HDHD2: variants seen among roughly 807,000 people sequenced by gnomAD.
HDHD2 encodes the protein haloacid dehalogenase-like hydrolase domain-containing protein 2.
HDHD2 carries 26 observed loss-of-function variants against 24.8 expected under a neutral mutation model. That is an observed-to-expected ratio of 1.05 (90% CI 0.77 to 1.45). HDHD2 has a LOEUF of 1.45. HDHD2 is among the 40% of genes most tolerant of loss of function. The pLI, the probability that HDHD2 is intolerant of heterozygous loss-of-function variation, is 0.00. For missense variants in HDHD2, 299 were observed against 313.4 expected (o/e 0.95, Z 0.35); for synonymous variants, 128 against 114.9 (o/e 1.11, Z -0.73).
At position 47,140,561 on chromosome 18, in the gene HDHD2, C is replaced by T. The variant is rs369426106; in HGVS notation, c.-10-4112G>A. On this transcript the variant is annotated intron_variant, in intron 1 of 6. Coordinates refer to ENST00000300605, the MANE Select transcript of HDHD2 (RefSeq NM_032124.5). ...TGAGACAGGGCCTTGTTCTGTCACCCAGGCTGGAGTGCAGTTGCATGATCA... is the reference window on the plus strand; with the variant it reads ...TGAGACAGGGCCTTGTTCTGTCACCTAGGCTGGAGTGCAGTTGCATGATCA... Among the ~76,000 whole-genome samples the T allele has an allele frequency of 3.3e-5, 5 of 152,254 alleles. No homozygotes were observed. The East Asian group carries it at 5.8e-4, about 18-fold the overall frequency.
intron 3 of HDHD2, 130 bp downstream of exon 3, chr18:47,134,366 A>G (rs1353273070): frequency 1.4e-6 from 1 of 717,646 alleles, no homozygotes. Context: ...TAGATTCAAA[A>G]TATCAGTATT....
chr18:47,136,412 C>T lies in HDHD2; in HGVS notation c.28G>A (p.Val10Ile), dbSNP rs746476502. The T allele has an allele frequency of 6.2e-7, 1 of 1,613,090 alleles. No homozygotes were observed. The highest frequency in any genetic ancestry group is 1.3e-5 in the African/African-American group (1 of 75,062). ...AGTGTGCCACTGAGATCTACCAAAA[C>T]AGCTTTTAATGCACGGCATGCTGCC... is the stretch of plus-strand genomic sequence containing the variant. MAACRALKAVLVDLSGTLHI... is the reference protein window; with the variant it reads MAACRALKAILVDLSGTLHI... Residue 10 changes from valine (V) to isoleucine (I), a missense_variant, in exon 2 of 7, where the codon GTT becomes ATT. Transcript: ENST00000300605.
At chr18:47,139,630 G>A (rs1276653909) in intron 1 of HDHD2, among the ~76,000 whole-genome samples, 1 of 152,144 alleles carries the variant, frequency 6.6e-6, no homozygotes, top group Non-Finnish European at 1.5e-5. Flanking sequence ...CCACAGGTCA[G>A]GACTCGTGAC....
intron 4 of HDHD2, among the ~76,000 whole-genome samples, chr18:47,117,081 A>C (rs2063563455): frequency 6.6e-6 from 1 of 152,202 alleles, no homozygotes. Context: ...TGCATAGCAT[A>C]AGCTTTACTG....
chr18:47,122,719 TTC>T (rs2063618923), intron 4 of HDHD2, among the ~76,000 whole-genome samples: 1 of 152,170 alleles, frequency 6.6e-6, no homozygotes, highest in Non-Finnish European at 1.5e-5. Flanking sequence ...GGCACAGTAA[TTC>T]TCTTATTAAT....
At chr18:47,125,520 T>A (rs1291589572) in intron 4 of HDHD2, among the ~76,000 whole-genome samples, 1 of 152,096 alleles carries the variant, frequency 6.6e-6, no homozygotes, top group East Asian at 1.9e-4. Flanking sequence ...ATAAATAAAT[T>A]GTGGAATATT....
rs565819740 is a variant in HDHD2, at chr18:47,131,677, T to C, written c.311-1349A>G. Among the ~76,000 whole-genome samples the C allele has an allele frequency of 1.4e-4, 21 of 152,328 alleles. No individual in the cohort carries two copies. In the East Asian group the frequency reaches 3.5e-3, roughly 25 times the overall value. ...TATTTAACTTACTTGATTTTTATTATTGCATCTCTTTTCACTGACACTAAA... is the reference window on the plus strand; with the variant it reads ...TATTTAACTTACTTGATTTTTATTACTGCATCTCTTTTCACTGACACTAAA... On this transcript the variant is annotated intron_variant, in intron 3 of 6. Transcript: ENST00000300605.
At chr18:47,136,168 T>C (rs745648644) in intron 2 of HDHD2, 171 bp downstream of exon 2, 2 of 723,094 alleles carry the variant, frequency 2.8e-6, no homozygotes, top group South Asian at 2.4e-5. Flanking sequence ...TAGAAAACAA[T>C]GTTTGGAAGA....
chr18:47,134,561 A>C lies in HDHD2; in HGVS notation c.245T>G (p.Leu82Ter). 1 of 1,614,164 alleles carries C rather than the reference A, an allele frequency of 6.2e-7. No homozygotes were observed. The highest frequency in any genetic ancestry group is 1.1e-5 in the South Asian group (1 of 91,076). ...GGGTCTGACTTGTTTCCGCTCTAGT[A>C]AACTTCTGGCTGCAGTCAGAGATGT... ...IFTSLTAARSLLERKQVRPML... is the reference protein window; with the variant it reads ...IFTSLTAARS Residue 82 changes from leucine (L) to a stop codon, truncating the protein, a stop_gained, in exon 3 of 7, where the codon TTA becomes TGA. Transcript: ENST00000300605. LOFTEE classifies it high-confidence loss of function.
intron 4 of HDHD2, among the ~76,000 whole-genome samples, chr18:47,120,826 A>G (rs1488943582): frequency 3.3e-5 from 5 of 152,188 alleles, no homozygotes; most frequent in Admixed American, 2.6e-4. Context: ...GGGAGGCCAG[A>G]GGAGAGGAGA....
chr18:47,123,259 T>C (rs1328055148), intron 4 of HDHD2, among the ~76,000 whole-genome samples: 2 of 152,212 alleles, frequency 1.3e-5, no homozygotes, highest in Non-Finnish European at 2.9e-5. Flanking sequence ...ATTAGCTTTC[T>C]ATGTATTAGC....
At chr18:47,121,832 G>A (rs950780971) in intron 4 of HDHD2, among the ~76,000 whole-genome samples, 4 of 151,964 alleles carry the variant, frequency 2.6e-5, no homozygotes, top group African/African-American at 9.7e-5. Flanking sequence ...GCCCCCATAT[G>A]GTGCCCCCTC....
intron 4 of HDHD2, among the ~76,000 whole-genome samples, chr18:47,115,667 A>C (rs1015541332): frequency 1.3e-5 from 2 of 152,150 alleles, no homozygotes; most frequent in African/African-American, 2.4e-5. Context: ...ACTCCAGGGA[A>C]GAAGCTTAAC....
At chr18:47,138,053 CT>C (rs2063783517) in intron 1 of HDHD2, among the ~76,000 whole-genome samples, 1 of 151,248 alleles carries the variant, frequency 6.6e-6, no homozygotes, top group Non-Finnish European at 1.5e-5. Context: ...GTAATCCCAG[CT>C]ACTAGGGAGG....
rs540498621 is a variant in HDHD2 at position 47,140,415 on chromosome 18, C to T, written c.-10-3966G>A. ...ATTTGTAGACACAACTCTATCATTG[C>T]TATATTAAATTATTTTAAATTACTT... On this transcript the variant is annotated intron_variant, in intron 1 of 6. Coordinates refer to ENST00000300605, the MANE Select transcript of HDHD2 (RefSeq NM_032124.5). Among the ~76,000 whole-genome samples the T allele has an allele frequency of 2.6e-5, 4 of 152,238 alleles. No homozygotes were observed. In the East Asian group the frequency reaches 5.8e-4, roughly 22 times the overall value.
intron 5 of HDHD2, 84 bp downstream of exon 5, chr18:47,115,048 C>G (rs1317478738): frequency 1.0e-5 from 9 of 900,426 alleles, no homozygotes; most frequent in Non-Finnish European, 1.6e-5. Flanking sequence ...AACAGAATGT[C>G]CCCTTTCCTA....
intron 3 of HDHD2, among the ~76,000 whole-genome samples, chr18:47,131,536 C>G (rs1049711096): frequency 6.6e-6 from 1 of 152,132 alleles, no homozygotes; most frequent in Non-Finnish European, 1.5e-5. Context: ...AGTCTGAGCA[C>G]TGGGTTGTCA....
At chr18:47,128,533 A>C (rs149297267) in intron 4 of HDHD2, among the ~76,000 whole-genome samples, 58 of 152,372 alleles carry the variant, frequency 3.8e-4, no homozygotes, top group African/African-American at 1.2e-3. Context: ...CAGGGGAAGC[A>C]AAAGTAATTT....
At chr18:47,133,151 C>G (rs1342665637) in intron 3 of HDHD2, among the ~76,000 whole-genome samples, 1 of 151,676 alleles carries the variant, frequency 6.6e-6, no homozygotes, top group Non-Finnish European at 1.5e-5. Context: ...CCCACTCCCC[C>G]CACCCCACAA....
Sources: gnomAD v4.1 joint callset for allele counts (sites outside exome capture counted in the v4.1 genomes callset) on GRCh38, gnomAD v4.1.1 for gene constraint, MANE v1.5 for transcripts, NCBI Gene and HGNC (gene_info 2026-07-23, HGNC 2026-07-21) for gene names.